Variants in ANK3 observed in about 807,000 individuals in gnomAD.
ANK3 encodes ankyrin-3.
In ANK3, 57 loss-of-function variants were observed where a neutral mutation model predicts 370.9. The observed-to-expected ratio is 0.15, with a 90% CI of 0.12 to 0.19. ANK3 has a LOEUF of 0.19. Among genes scored for constraint, ANK3 ranks in the 10% least tolerant of loss-of-function variants. The pLI is 1.00. For synonymous variants in ANK3, 1,929 were observed against 1,946.3 expected (o/e 0.99, Z 0.23); for missense variants, 4,439 against 5,302.1 (o/e 0.84, Z 5.06).
chr10:60,224,120 A>C (rs1309815440), intron 8 of ANK3, among the ~76,000 whole-genome samples: 1 of 152,078 alleles, frequency 6.6e-6, no homozygotes, highest in African/African-American at 2.4e-5. Flanking sequence ...CGGGGGATTG[A>C]GGGAGGGGGT....
intron 1 of ANK3, among the ~76,000 whole-genome samples, chr10:60,309,901 A>ATTTCT (rs1327295160): frequency 6.6e-6 from 1 of 150,624 alleles, no homozygotes; most frequent in Admixed American, 6.6e-5. Context: ...AGTGAAATCA[A>ATTTCT]TTTCTTTTCT....
In ANK3 at chr10:60,105,966, C is replaced by T. The variant is rs2092111603; in HGVS notation, c.3267G>A (p.Lys1089=). 1.2e-6 allele frequency: 2 copies of T among 1,612,636 alleles called. No homozygotes were observed. The highest frequency in any genetic ancestry group is 2.2e-5 in the East Asian group (1 of 44,692). Residue 1089 remains lysine (K), a synonymous_variant, in exon 28 of 44, where the codon AAG becomes AAA. Transcript: ENST00000280772. ...CATTTTTGCTGTCAAACTGATGCTCCTTCCAAGTTTCACCATTTTCACTTC... is the reference window on the plus strand; with the variant it reads ...CATTTTTGCTGTCAAACTGATGCTCTTTCCAAGTTTCACCATTTTCACTTC... The part of the protein sequence containing the change: ...VLRSENGETW[K]EHQFDSKNED...
intron 1 of ANK3, among the ~76,000 whole-genome samples, chr10:60,690,886 A>C (rs2079342685): frequency 6.6e-6 from 1 of 152,216 alleles, no homozygotes; most frequent in South Asian, 2.1e-4. Context: ...CCCCATGAAA[A>C]GGCATTGCGA....
intron 1 of ANK3, among the ~76,000 whole-genome samples, chr10:60,621,382 T>C (rs993909035): frequency 2.6e-5 from 4 of 152,218 alleles, no homozygotes; most frequent in Non-Finnish European, 5.9e-5. Context: ...CTTAAAGAAA[T>C]GTCTACTACA....
chr10:60,046,752 A>C (rs2077029616), intron 42 of ANK3, among the ~76,000 whole-genome samples: 1 of 152,016 alleles, frequency 6.6e-6, no homozygotes, highest in Admixed American at 6.6e-5. Context: ...TTAGAGACCA[A>C]ATGTTACCTA....
At chr10:60,564,210 A>T (rs1246647599) in intron 2 of ANK3, among the ~76,000 whole-genome samples, 7 of 152,202 alleles carry the variant, frequency 4.6e-5, no homozygotes, top group Non-Finnish European at 8.8e-5. Flanking sequence ...AACATTTTTT[A>T]AAAAATTTAT....
At chr10:60,579,542 CAA>C (rs2077724337) in intron 2 of ANK3, among the ~76,000 whole-genome samples, 1 of 151,866 alleles carries the variant, frequency 6.6e-6, no homozygotes, top group Admixed American at 6.6e-5. Flanking sequence ...GCCCCATGAT[CAA>C]AAATGATACT....
At chr10:60,055,542 T>C in intron 42 of ANK3, 116 bp downstream of exon 42, 1 of 1,329,874 alleles carries the variant, frequency 7.5e-7, no homozygotes, top group Non-Finnish European at 1.0e-6. Flanking sequence ...TTTCACACAT[T>C]TATAATTTAG....
chr10:60,246,560 A>T lies in ANK3; in HGVS notation c.799-11774T>A, dbSNP rs140892413. On this transcript the variant is annotated intron_variant, in intron 7 of 43. Coordinates refer to ENST00000280772, the MANE Select transcript of ANK3 (RefSeq NM_020987.5). ...CAGAGAGACCAACTAATCCCATTTG[A>T]TCAGACACCTGATAGTGCTGGCCTT... Among the ~76,000 whole-genome samples, 736 of 152,320 alleles carry T rather than the reference A, an allele frequency of 4.8e-3. 6 individuals carry two copies. Among genetic ancestry groups the T allele is most frequent in the African/African-American group, 0.017 (707 of 41,572 alleles).
Position 60,086,760 on chromosome 10 carries a change from A to C in ANK3, c.3665T>G (p.Val1222Gly), listed in dbSNP as rs1329295963. The change falls in exon 30 of 44, where the codon GTG becomes GGG. Residue 1222 changes from valine to glycine, a missense_variant. By Grantham distance (109) the Val-to-Gly change is moderately radical (BLOSUM62 -3). Coordinates refer to ENST00000280772, the MANE Select transcript of ANK3 (RefSeq NM_020987.5). ...TACACCTTCTCCTGAGGGCGGGGGC[A>C]CCGGAATGGTCATTGTGATTGGTTT... ...FHKPITMTIP[V>G]PPPSGEGVSN... 6 of 1,613,958 alleles carry C rather than the reference A, an allele frequency of 3.7e-6. No individual in the cohort carries two copies.
chr10:60,287,901 T>C (rs1319740240), intron 1 of ANK3, among the ~76,000 whole-genome samples: 1 of 152,202 alleles, frequency 6.6e-6, no homozygotes. Flanking sequence ...ATCTGTTTAA[T>C]AGATTGCTGT....
chr10:60,486,734 T>G (rs2075359334), intron 2 of ANK3, among the ~76,000 whole-genome samples: 1 of 152,160 alleles, frequency 6.6e-6, no homozygotes, highest in East Asian at 1.9e-4. Context: ...AATCTTAAGC[T>G]AAGAAATAAA....
chr10:60,435,126 A>G (rs1282312568), intron 2 of ANK3, among the ~76,000 whole-genome samples: 1 of 152,182 alleles, frequency 6.6e-6, no homozygotes, highest in African/African-American at 2.4e-5. Context: ...GTCATAATGC[A>G]TTGCTCAGTA....
intron 1 of ANK3, among the ~76,000 whole-genome samples, chr10:60,618,119 A>G (rs2078288513): frequency 6.6e-6 from 1 of 152,084 alleles, no homozygotes; most frequent in South Asian, 2.1e-4. Flanking sequence ...TGAGTTGCCC[A>G]AAGTCATGCA....
rs74944833 is a variant in ANK3 at position 60,540,574 on chromosome 10, G to A, written c.96+74612C>T. Among the ~76,000 whole-genome samples the A allele has an allele frequency of 5.3e-5, 8 of 152,056 alleles. No individual in the cohort carries two copies. The East Asian group carries it at 1.5e-3, about 29-fold the overall frequency. On this transcript the variant is annotated intron_variant, in intron 2 of 43. Transcript: ENST00000373827. ...GTTAATCCTAAACACGGTCAGCTAAGAGAAAGCATGGTACAGTGGGGAAGG... is the reference window on the plus strand; with the variant it reads ...GTTAATCCTAAACACGGTCAGCTAAAAGAAAGCATGGTACAGTGGGGAAGG...
chr10:60,363,861 T>C (rs1311851432), intron 1 of ANK3, among the ~76,000 whole-genome samples: 1 of 152,208 alleles, frequency 6.6e-6, no homozygotes, highest in Admixed American at 6.5e-5. Flanking sequence ...ATCCCTTTTC[T>C]TATAGAAAAA....
chr10:60,304,764 A>T (rs79665096), intron 1 of ANK3, among the ~76,000 whole-genome samples: 1,750 of 152,340 alleles, frequency 0.011, 12 homozygotes, highest in Middle Eastern at 0.034. Flanking sequence ...GAGAGACTGC[A>T]CATCAAAATC....
chr10:60,089,865 A>C (rs555401372), intron 28 of ANK3, among the ~76,000 whole-genome samples: 32 of 152,214 alleles, frequency 2.1e-4, no homozygotes, highest in African/African-American at 7.5e-4. Context: ...AGTTATATTT[A>C]AATCAAGGTA....
chr10:60,218,542 G>A lies in ANK3; in HGVS notation c.898-5032C>T, dbSNP rs188599475. Among the ~76,000 whole-genome samples the A allele has an allele frequency of 1.4e-3, 214 of 152,184 alleles. 1 individual carries two copies. The highest frequency in any genetic ancestry group is 2.9e-3 in the Admixed American group (44 of 15,280). On this transcript the variant is annotated intron_variant, in intron 8 of 43. Transcript: ENST00000280772. ...ATTTTACTTCTCCTTCACTTATGAAGCTTAGTTTTTAGCTGGATATGAAAT... is the reference window on the plus strand; with the variant it reads ...ATTTTACTTCTCCTTCACTTATGAAACTTAGTTTTTAGCTGGATATGAAAT...
Sources: allele counts gnomAD v4.1 joint callset (sites outside exome capture counted in the v4.1 genomes callset), GRCh38; gene constraint gnomAD v4.1.1; transcripts MANE v1.5; gene names NCBI Gene and HGNC (gene_info 2026-07-23, HGNC 2026-07-21).